GRID2: variants seen among roughly 807,000 people sequenced by gnomAD.
GRID2 encodes the protein glutamate receptor ionotropic, delta-2.
A neutral mutation model predicts 114.8 loss-of-function variants in GRID2; 33 were observed. That is an observed-to-expected ratio of 0.29 (90% CI 0.22 to 0.38). The LOEUF (loss-of-function observed/expected upper bound fraction) is 0.38. Among genes scored for constraint, GRID2 ranks in the 10% least tolerant of loss-of-function variants. GRID2 has a pLI of 1.00. For missense variants in GRID2, 1,184 were observed against 1,257.7 expected (o/e 0.94, Z 0.89); for synonymous variants, 505 against 449.9 (o/e 1.12, Z -1.55).
intron 13 of GRID2, among the ~76,000 whole-genome samples, chr4:93,557,002 G>A (rs1194899328): frequency 2.6e-5 from 4 of 152,192 alleles, no homozygotes; most frequent in Admixed American, 1.3e-4. Context: ...AGCTTCATCA[G>A]CGAAGAAGAA....
At position 92,463,177 on chromosome 4, in the gene GRID2, T is replaced by C. The variant is rs182014164; in HGVS notation, c.89-126954T>C. Among the ~76,000 whole-genome samples the C allele has an allele frequency of 2.6e-3, 393 of 152,084 alleles. 2 individuals carry two copies. The highest frequency in any genetic ancestry group is 4.1e-3 in the Non-Finnish European group (278 of 67,870). Reference sequence around the variant, plus strand: ...TTAGTGTAAAATTTTTATTTAAAACTGATGGAGATTCAGTTTTTTAATTTC... The same window carrying C: ...TTAGTGTAAAATTTTTATTTAAAACCGATGGAGATTCAGTTTTTTAATTTC... On this transcript the variant is annotated intron_variant, in intron 1 of 15. Transcript: ENST00000282020.
intron 1 of GRID2, among the ~76,000 whole-genome samples, chr4:92,437,237 A>G (rs1732778144): frequency 6.6e-6 from 1 of 152,174 alleles, no homozygotes; most frequent in African/African-American, 2.4e-5. Context: ...CCGACGAATG[A>G]TTGGAAAAAA....
At chr4:93,290,379 G>GA (rs1384662191) in intron 8 of GRID2, among the ~76,000 whole-genome samples, 5 of 152,040 alleles carry the variant, frequency 3.3e-5, no homozygotes, top group African/African-American at 4.8e-5. Context: ...GGAAAAATTA[G>GA]AAAAAATTTT....
At chr4:93,528,365 A>G (rs963211250) in intron 13 of GRID2, among the ~76,000 whole-genome samples, 1 of 151,724 alleles carries the variant, frequency 6.6e-6, no homozygotes, top group African/African-American at 2.4e-5. Context: ...ACTGTTTTCC[A>G]TAATGGTTGC....
intron 14 of GRID2, among the ~76,000 whole-genome samples, chr4:93,656,279 T>C (rs1387516575): frequency 1.3e-5 from 2 of 152,032 alleles, no homozygotes; most frequent in Non-Finnish European, 2.9e-5. Context: ...TGGGAACTAT[T>C]TAAATATTAA....
At chr4:93,543,710 TAGAGAGAGAGAGAGAG>T (rs34742442) in intron 13 of GRID2, among the ~76,000 whole-genome samples, 5 of 133,494 alleles carry the variant, frequency 3.7e-5, no homozygotes, top group Admixed American at 7.6e-5. Context: ...GAGTGAGAGA[TAGAGAGAGAGAGAGAG>T]AGAGAGAGAG....
intron 1 of GRID2, among the ~76,000 whole-genome samples, chr4:92,536,351 A>G (rs1725630453): frequency 6.6e-6 from 1 of 152,106 alleles, no homozygotes; most frequent in Admixed American, 6.6e-5. Context: ...TGGTGCATTT[A>G]CAGTCCTTTA....
At chr4:93,295,161 G>A (rs1754160114) in intron 8 of GRID2, among the ~76,000 whole-genome samples, 1 of 152,108 alleles carries the variant, frequency 6.6e-6, no homozygotes, top group Admixed American at 6.5e-5. Flanking sequence ...TGAAAGTTTA[G>A]GGAAGGGATC....
intron 1 of GRID2, among the ~76,000 whole-genome samples, chr4:92,483,156 G>A (rs1722699487): frequency 6.6e-6 from 1 of 152,066 alleles, no homozygotes; most frequent in Non-Finnish European, 1.5e-5. Context: ...TGGCCAATAT[G>A]GCGAAAACCT....
intron 2 of GRID2, among the ~76,000 whole-genome samples, chr4:92,784,738 T>A (rs1739240138): frequency 6.6e-6 from 1 of 151,954 alleles, no homozygotes; most frequent in African/African-American, 2.4e-5. Flanking sequence ...CTATATTTCT[T>A]TTCAAGCTAT....
intron 2 of GRID2, among the ~76,000 whole-genome samples, chr4:92,721,570 G>T (rs1267880870): frequency 2.0e-5 from 3 of 152,028 alleles, no homozygotes; most frequent in African/African-American, 7.2e-5. Flanking sequence ...GTACTAAAAA[G>T]ACAGTACTTT....
intron 2 of GRID2, among the ~76,000 whole-genome samples, chr4:92,992,700 A>G (rs909040112): frequency 1.1e-4 from 16 of 152,140 alleles, no homozygotes; most frequent in African/African-American, 3.9e-4. Flanking sequence ...AAAACAATAG[A>G]TTTTTGTAGT....
intron 2 of GRID2, among the ~76,000 whole-genome samples, chr4:92,990,285 G>A (rs865968079): frequency 0.027 from 1,271 of 46,960 alleles, 23 homozygotes; most frequent in East Asian, 0.056. Flanking sequence ...AGATATGTGT[G>A]TGTATATATA....
At chr4:92,485,945 C>T (rs771082867) in intron 1 of GRID2, among the ~76,000 whole-genome samples, 61 of 151,542 alleles carry the variant, frequency 4.0e-4, no homozygotes, top group Non-Finnish European at 7.7e-4. Flanking sequence ...ATAGTGAAAA[C>T]TAATCATGTA....
chr4:92,453,839 T>C (rs1414487966), intron 1 of GRID2, among the ~76,000 whole-genome samples: 1 of 152,194 alleles, frequency 6.6e-6, no homozygotes, highest in East Asian at 1.9e-4. Context: ...AATGTATAAC[T>C]TAATAAAGCT....
At chr4:92,903,533 C>A (rs1485985911) in intron 2 of GRID2, among the ~76,000 whole-genome samples, 1 of 151,836 alleles carries the variant, frequency 6.6e-6, no homozygotes, top group East Asian at 1.9e-4. Context: ...GAATAAATTT[C>A]AAATGGTTAA....
intron 11 of GRID2, 99 bp from the exon 12 acceptor site, chr4:93,490,540 T>A: frequency 1.2e-6 from 1 of 804,346 alleles, no homozygotes; most frequent in Non-Finnish European, 2.0e-6. Flanking sequence ...GAAAAAATTC[T>A]CACTACTTGC....
At chr4:93,062,783 G>T (rs1395673038) in intron 2 of GRID2, among the ~76,000 whole-genome samples, 1 of 151,936 alleles carries the variant, frequency 6.6e-6, no homozygotes, top group Non-Finnish European at 1.5e-5. Context: ...CTCTATAAAA[G>T]TATTTTCTGT....
chr4:93,230,706 T>A (rs1436929211), intron 7 of GRID2, among the ~76,000 whole-genome samples: 1 of 151,814 alleles, frequency 6.6e-6, no homozygotes, highest in African/African-American at 2.4e-5. Flanking sequence ...ACTTTACCAT[T>A]TACCATTTTT....
Sources: gnomAD v4.1 joint callset for allele counts (sites outside exome capture counted in the v4.1 genomes callset) on GRCh38, gnomAD v4.1.1 for gene constraint, MANE v1.5 for transcripts, NCBI Gene and HGNC (gene_info 2026-07-23, HGNC 2026-07-21) for gene names.